The following ROBO2 variants were observed in gnomAD, a reference collection of about 807,000 sequenced individuals.
ROBO2 encodes the protein roundabout homolog 2.
A neutral mutation model predicts 160.8 loss-of-function variants in ROBO2; 53 were observed. That is an observed-to-expected ratio of 0.33 (90% CI 0.26 to 0.41). The LOEUF (loss-of-function observed/expected upper bound fraction) is 0.41, where lower values mean the gene tolerates loss of function less well. ROBO2 is among the 10% of genes least tolerant of loss of function. The pLI is 1.00. For missense variants in ROBO2, 1,577 were observed against 1,722.4 expected, an observed-to-expected ratio of 0.92 and a Z score of 1.49; for synonymous variants, 664 against 611.7, an observed-to-expected ratio of 1.09 and a Z score of -1.26.
intron 2 of ROBO2, among the ~76,000 whole-genome samples, chr3:76,267,747 T>C (rs1707182694): frequency 6.6e-6 from 1 of 152,156 alleles, no homozygotes; most frequent in Non-Finnish European, 1.5e-5. Context: ...GTTAGAATAC[T>C]TTAATGATTC....
At chr3:75,907,852 C>CGTGTGTGCGTGTGT (rs1946417411) in intron 1 of ROBO2, among the ~76,000 whole-genome samples, 1 of 148,570 alleles carries the variant, frequency 6.7e-6, no homozygotes, top group Non-Finnish European at 1.5e-5. Flanking sequence ...TAATCGTGTG[C>CGTGTGTGCGTGTGT]GTGTGTGTGT....
At chr3:76,680,918 C>T (rs1045465566) in intron 2 of ROBO2, among the ~76,000 whole-genome samples, 4 of 151,800 alleles carry the variant, frequency 2.6e-5, no homozygotes, top group South Asian at 2.1e-4. Context: ...CGGAGACTAC[C>T]GGGATGCACC....
In ROBO2 at chr3:76,192,531, CACACACACA is replaced by C. The variant is rs1559627415; in HGVS notation, c.109+254930_109+254938del. ...TTTGCGTCCAACACTCCACCACACA[CACACACACA>C]CACACACACACACACACACACACAC... On this transcript the variant is annotated intron_variant, in intron 2 of 26. Coordinates refer to the ROBO2 transcript ENST00000487694. 1.1e-3 allele frequency among the ~76,000 whole-genome samples: 121 copies of C among 109,782 alleles called. 1 individual carries two copies. In the South Asian group the frequency reaches 0.017, roughly 15 times the overall value. The allele number at this position is 109,782 out of a possible 152,430, so 72.0% of individuals were successfully genotyped here.
At chr3:75,952,451 A>G (rs1390256868) in intron 2 of ROBO2, among the ~76,000 whole-genome samples, 3 of 152,008 alleles carry the variant, frequency 2.0e-5, no homozygotes, top group Non-Finnish European at 2.9e-5. Flanking sequence ...TTTCCACTGC[A>G]TGAAAACCCT....
intron 2 of ROBO2, among the ~76,000 whole-genome samples, chr3:76,716,104 T>C (rs1000988923): frequency 5.9e-5 from 9 of 151,866 alleles, no homozygotes; most frequent in African/African-American, 2.2e-4. Flanking sequence ...AATTTTTTGG[T>C]ATTACTTTAT....
intron 2 of ROBO2, among the ~76,000 whole-genome samples, chr3:76,711,831 T>G (rs990699770): frequency 3.3e-5 from 5 of 152,230 alleles, no homozygotes; most frequent in Non-Finnish European, 4.4e-5. Context: ...AGATTCAGTT[T>G]AAATGTCACT....
chr3:76,754,181 T>C (rs1184347364), intron 2 of ROBO2, among the ~76,000 whole-genome samples: 3 of 151,900 alleles, frequency 2.0e-5, no homozygotes, highest in Non-Finnish European at 2.9e-5. Flanking sequence ...GGCTTTCCTT[T>C]TGGGCAGTTC....
intron 2 of ROBO2, among the ~76,000 whole-genome samples, chr3:76,506,640 A>C (rs56070308): frequency 0.069 from 10,467 of 152,188 alleles, 1,097 homozygotes; most frequent in African/African-American, 0.23. Context: ...TGTGATTTAT[A>C]ATTTATGTAT....
At chr3:77,317,043 C>T in intron 2 of ROBO2, 2 of 1,521,066 alleles carry the variant, frequency 1.3e-6, no homozygotes, top group Non-Finnish European at 1.8e-6. Context: ...CAAACTCTGT[C>T]CCGTCATTCA....
intron 2 of ROBO2, among the ~76,000 whole-genome samples, chr3:77,343,721 C>T (rs1346431051): frequency 6.6e-6 from 1 of 152,124 alleles, no homozygotes; most frequent in East Asian, 1.9e-4. Context: ...AAATTAGAGA[C>T]TTCTCAATAA....
intron 2 of ROBO2, among the ~76,000 whole-genome samples, chr3:76,953,645 T>A (rs965453060): frequency 6.6e-6 from 1 of 152,170 alleles, no homozygotes; most frequent in African/African-American, 2.4e-5. Context: ...ATCATTTCGG[T>A]CTATATTTCT....
At chr3:77,424,183 A>C (rs1335502865) in intron 2 of ROBO2, among the ~76,000 whole-genome samples, 1 of 152,176 alleles carries the variant, frequency 6.6e-6, no homozygotes, top group African/African-American at 2.4e-5. Context: ...CTCTGGGATA[A>C]CTCTAGACAA....
intron 5 of ROBO2, among the ~76,000 whole-genome samples, chr3:77,499,865 T>C (rs1187045111): frequency 1.3e-5 from 2 of 152,104 alleles, no homozygotes; most frequent in Non-Finnish European, 2.9e-5. Context: ...GCCAGGCTCG[T>C]CTGGAACTTC....
intron 2 of ROBO2, among the ~76,000 whole-genome samples, chr3:76,651,827 T>C (rs1198237494): frequency 6.6e-6 from 1 of 152,160 alleles, no homozygotes; most frequent in African/African-American, 2.4e-5. Context: ...CATAGAAGTG[T>C]ATTGGTCCTT....
chr3:75,948,917 G>C (rs1576265419), intron 2 of ROBO2, among the ~76,000 whole-genome samples: 1 of 151,984 alleles, frequency 6.6e-6, no homozygotes, highest in Admixed American at 6.6e-5. Flanking sequence ...ACATCTGTTA[G>C]GACATTTATT....
At chr3:76,398,089 T>C (rs1462111438) in intron 2 of ROBO2, among the ~76,000 whole-genome samples, 3 of 152,136 alleles carry the variant, frequency 2.0e-5, no homozygotes. Context: ...TGTCCAACAA[T>C]GATAGACTGG....
intron 1 of ROBO2, among the ~76,000 whole-genome samples, chr3:77,048,641 A>C (rs1014526150): frequency 1.3e-5 from 2 of 152,242 alleles, no homozygotes; most frequent in African/African-American, 4.8e-5. Flanking sequence ...GTAAAAATTA[A>C]CATTTGGTAT....
At chr3:76,457,179 T>A (rs190978521) in intron 2 of ROBO2, among the ~76,000 whole-genome samples, 1 of 152,270 alleles carries the variant, frequency 6.6e-6, no homozygotes, top group East Asian at 1.9e-4. Context: ...GTCCAAAGTC[T>A]CATCTGAGAC....
intron 2 of ROBO2, among the ~76,000 whole-genome samples, chr3:76,567,652 TACACATACAC>T (rs1560162978): frequency 9.8e-3 from 621 of 63,114 alleles, no homozygotes; most frequent in Non-Finnish European, 0.013. Flanking sequence ...TATATATATA[TACACATACAC>T]ATATATATAC....
Sources: allele counts gnomAD v4.1 joint callset (sites outside exome capture counted in the v4.1 genomes callset), GRCh38; gene constraint gnomAD v4.1.1; transcripts MANE v1.5; gene names NCBI Gene and HGNC (gene_info 2026-07-23, HGNC 2026-07-21).